The following APLP2 variants were observed in gnomAD, a reference collection of about 807,000 sequenced individuals.
APLP2 encodes amyloid beta precursor like protein 2, also known as CDEI box-binding protein.
APLP2 carries 53 observed loss-of-function variants against 89.9 expected under a neutral mutation model. That is an observed-to-expected ratio of 0.59 (90% confidence interval 0.47 to 0.74). APLP2 has a LOEUF of 0.74. Ranked by LOEUF, APLP2 falls within the 30% of genes least tolerant of loss-of-function variation. The probability of loss-of-function intolerance (pLI) is 0.00; values close to 1 mark genes in which losing one functional copy is unlikely to be tolerated. For synonymous variants in APLP2, 372 were observed against 348.6 expected (o/e 1.07, Z -0.75); for missense variants, 973 against 975.9 (o/e 1.00, Z 0.04).
intron 1 of APLP2, among the ~76,000 whole-genome samples, chr11:130,090,669 A>G (rs1334682705): frequency 6.6e-6 from 1 of 152,026 alleles, no homozygotes; most frequent in Non-Finnish European, 1.5e-5. Context: ...ACTTCTTTCT[A>G]CACAGACACG....
intron 1 of APLP2, among the ~76,000 whole-genome samples, chr11:130,096,362 A>G (rs1946209585): frequency 6.6e-6 from 1 of 152,184 alleles, no homozygotes; most frequent in Non-Finnish European, 1.5e-5. Flanking sequence ...GAGGTGATTC[A>G]GAGTGCTGGG....
At chr11:130,103,005 A>AT (rs1362685517) in intron 1 of APLP2, among the ~76,000 whole-genome samples, 1 of 152,170 alleles carries the variant, frequency 6.6e-6, no homozygotes, top group African/African-American at 2.4e-5. Context: ...TGGGGCATTA[A>AT]TTTTTTTGGT....
At chr11:130,137,211 T>G (rs1416246130) in intron 13 of APLP2, 4 of 1,563,068 alleles carry the variant, frequency 2.6e-6, no homozygotes, top group Admixed American at 3.3e-5. Context: ...TTAATCTCCT[T>G]TTGTGCTATT....
chr11:130,122,174 T>C, intron 5 of APLP2, 131 bp from the exon 6 acceptor site: 3 of 1,089,048 alleles, frequency 2.8e-6, no homozygotes, highest in Non-Finnish European at 4.0e-6. Flanking sequence ...CAGGGCTTAG[T>C]GGCACGGTGA....
chr11:130,087,872 A>C (rs1398885784), intron 1 of APLP2, among the ~76,000 whole-genome samples: 3 of 152,242 alleles, frequency 2.0e-5, no homozygotes, highest in Non-Finnish European at 4.4e-5. Context: ...TGCAAGATTA[A>C]TCTTGTGAAT....
chr11:130,082,333 G>T (rs551652705), intron 1 of APLP2, among the ~76,000 whole-genome samples: 1 of 151,972 alleles, frequency 6.6e-6, no homozygotes, highest in Non-Finnish European at 1.5e-5. Context: ...ACAGGTGCCC[G>T]CCATCACGCC....
chr11:130,077,870 AG>A (rs1942404338), intron 1 of APLP2, among the ~76,000 whole-genome samples: 1 of 152,262 alleles, frequency 6.6e-6, no homozygotes, highest in South Asian at 2.1e-4. Flanking sequence ...GCCCCTTATC[AG>A]GAAAGTGCCA....
chr11:130,107,410 C>T lies in APLP2; in HGVS notation c.106-2019C>T, dbSNP rs577212547. On this transcript the variant is annotated intron_variant, in intron 1 of 16. Coordinates refer to ENST00000338167, the MANE Select transcript of APLP2 (RefSeq NM_001142276.2). ...TCAATGTGCAAAAATCACAAGCATT[C>T]CTATACACCAATAACAGACAGAGAG... Among the ~76,000 whole-genome samples, 794 of 150,664 alleles carry T rather than the reference C, an allele frequency of 5.3e-3. 9 individuals are homozygous for T. The highest frequency in any genetic ancestry group is 0.018 in the African/African-American group (741 of 40,358).
intron 3 of APLP2, among the ~76,000 whole-genome samples, chr11:130,114,875 T>C (rs550563488): frequency 1.3e-5 from 2 of 152,380 alleles, no homozygotes; most frequent in African/African-American, 4.8e-5. Flanking sequence ...TGCTGTCTTC[T>C]GCATTTGTAC....
At chr11:130,138,753 ATT>A (rs34571431) in intron 13 of APLP2, 7,229 of 124,674 alleles carry the variant, frequency 0.058, 248 homozygotes, top group East Asian at 0.13. Flanking sequence ...CCTCGGCTAA[ATT>A]TTTTTTTTTT....
chr11:130,122,212 C>G, intron 5 of APLP2, 93 bp from the exon 6 acceptor site: 1 of 1,440,094 alleles, frequency 6.9e-7, no homozygotes, highest in Non-Finnish European at 9.6e-7. Flanking sequence ...TTTCCTGCCT[C>G]TGTTTTTGTG....
chr11:130,118,369 C>G (rs146138230), intron 3 of APLP2, among the ~76,000 whole-genome samples: 1 of 152,228 alleles, frequency 6.6e-6, no homozygotes, highest in Non-Finnish European at 1.5e-5. Context: ...AGTTTCTGTT[C>G]TAAGCTTTTC....
chr11:130,100,234 C>G (rs1946725596), intron 1 of APLP2: 1 of 152,210 alleles, frequency 6.6e-6, no homozygotes, highest in Non-Finnish European at 1.5e-5. Context: ...GTGTCTGCGC[C>G]TTAAAGCCAC....
chr11:130,073,439 A>T (rs1941499651), intron 1 of APLP2, among the ~76,000 whole-genome samples: 2 of 152,214 alleles, frequency 1.3e-5, no homozygotes, highest in African/African-American at 4.8e-5. Flanking sequence ...ATATTTTTCC[A>T]CATAAAGTCT....
chr11:130,128,978 T>C lies in APLP2; in HGVS notation c.1297-70T>C. 3.9e-6 allele frequency: 6 copies of C among 1,534,384 alleles called. No homozygotes were observed. In the South Asian group the frequency reaches 7.5e-5, roughly 19 times the overall value. Reference sequence around the variant, plus strand: ...GGCACTGACAGGAGAAGCACTGGGGTCTCAGGGTGCTTGCTTAGGCTTCCT... The same window carrying C: ...GGCACTGACAGGAGAAGCACTGGGGCCTCAGGGTGCTTGCTTAGGCTTCCT... On this transcript the variant is annotated intron_variant, in intron 9 of 16. Coordinates refer to ENST00000338167, the MANE Select transcript of APLP2 (RefSeq NM_001142276.2).
chr11:130,116,607 A>T (rs751537592), intron 3 of APLP2, among the ~76,000 whole-genome samples: 4 of 151,794 alleles, frequency 2.6e-5, no homozygotes, highest in Non-Finnish European at 5.9e-5. Context: ...TGCAGCTGAG[A>T]TTACAGGCAT....
At chr11:130,079,826 T>C (rs77523317) in intron 1 of APLP2, among the ~76,000 whole-genome samples, 7,425 of 152,314 alleles carry the variant, frequency 0.049, 231 homozygotes, top group Non-Finnish European at 0.073. Context: ...GGAAACTGTT[T>C]TTGCAATTTA....
chr11:130,091,094 A>AC (rs1945001143), intron 1 of APLP2, among the ~76,000 whole-genome samples: 1 of 123,294 alleles, frequency 8.1e-6, no homozygotes, highest in Admixed American at 8.0e-5. Flanking sequence ...CGGGGGGCTG[A>AC]CCCCCCCACC....
chr11:130,102,260 A>T (rs769616301), intron 1 of APLP2, among the ~76,000 whole-genome samples: 2 of 152,158 alleles, frequency 1.3e-5, no homozygotes, highest in Non-Finnish European at 2.9e-5. Flanking sequence ...GTCCTTTTTT[A>T]CTGACTTTTC....
Sources: gnomAD v4.1 joint callset for allele counts (sites outside exome capture counted in the v4.1 genomes callset) on GRCh38, gnomAD v4.1.1 for gene constraint, MANE v1.5 for transcripts, NCBI Gene and HGNC (gene_info 2026-07-23, HGNC 2026-07-21) for gene names.